The following LRMDA variants were observed in gnomAD, a reference collection of about 807,000 sequenced individuals.
LRMDA encodes the protein leucine-rich melanocyte differentiation-associated protein.
LRMDA carries 18 observed loss-of-function variants against 29.8 expected under a neutral mutation model. The observed-to-expected ratio is 0.60, with a 90% CI of 0.42 to 0.90. LRMDA has a LOEUF of 0.90. Ranked by LOEUF, LRMDA falls within the 40% of genes least tolerant of loss-of-function variation. The probability of loss-of-function intolerance (pLI) is 0.00; values close to 1 mark genes in which losing one functional copy is unlikely to be tolerated. For missense variants in LRMDA, 273 were observed against 273.9 expected (o/e 1.00, Z 0.02); for synonymous variants, 125 against 109.4 (o/e 1.14, Z -0.89).
At chr10:76,401,177 T>C (rs1212328195) in intron 6 of LRMDA, among the ~76,000 whole-genome samples, 1 of 152,168 alleles carries the variant, frequency 6.6e-6, no homozygotes, top group African/African-American at 2.4e-5. Flanking sequence ...TAATGGATGG[T>C]ATGCTCTCAG....
intron 5 of LRMDA, among the ~76,000 whole-genome samples, chr10:76,154,389 A>G (rs894374462): frequency 6.6e-6 from 1 of 152,232 alleles, no homozygotes; most frequent in East Asian, 1.9e-4. Context: ...CAGAATGACA[A>G]TTAGAGCATC....
chr10:76,148,506 A>G (rs373903190), intron 5 of LRMDA, among the ~76,000 whole-genome samples: 1 of 152,124 alleles, frequency 6.6e-6, no homozygotes, highest in African/African-American at 2.4e-5. Flanking sequence ...GTGGGATATA[A>G]TCTCCTGGTG....
intron 6 of LRMDA, among the ~76,000 whole-genome samples, chr10:76,414,731 T>A (rs1243160472): frequency 6.6e-6 from 1 of 152,206 alleles, no homozygotes; most frequent in Non-Finnish European, 1.5e-5. Flanking sequence ...GGTTGAGCCA[T>A]GGCTTAGCTG....
intron 6 of LRMDA, among the ~76,000 whole-genome samples, chr10:76,463,326 G>A (rs1217933860): frequency 1.3e-5 from 2 of 152,176 alleles, no homozygotes; most frequent in African/African-American, 2.4e-5. Context: ...TTGAAATTCA[G>A]GAAAGGGAAG....
intron 5 of LRMDA, among the ~76,000 whole-genome samples, chr10:76,132,232 G>A (rs1014304137): frequency 6.6e-6 from 1 of 152,110 alleles, no homozygotes; most frequent in African/African-American, 2.4e-5. Flanking sequence ...AAATAGAGGT[G>A]GTGATTTTGG....
At chr10:75,859,355 A>G (rs929928497) in intron 2 of LRMDA, among the ~76,000 whole-genome samples, 3 of 152,262 alleles carry the variant, frequency 2.0e-5, no homozygotes, top group East Asian at 1.9e-4. Context: ...GTATTATTTG[A>G]CCAGCTGCCC....
intron 6 of LRMDA, among the ~76,000 whole-genome samples, chr10:76,340,572 AC>A (rs1841028908): frequency 1.3e-5 from 2 of 151,644 alleles, no homozygotes; most frequent in African/African-American, 2.4e-5. Context: ...AAATTTAACA[AC>A]CATTTCTGCT....
chr10:75,914,530 A>G (rs902416145), intron 2 of LRMDA, among the ~76,000 whole-genome samples: 2 of 152,240 alleles, frequency 1.3e-5, no homozygotes, highest in Non-Finnish European at 2.9e-5. Context: ...GTTAAGAAGC[A>G]TAATTCAATA....
intron 5 of LRMDA, among the ~76,000 whole-genome samples, chr10:76,291,417 G>A (rs1840338850): frequency 6.6e-6 from 1 of 152,082 alleles, no homozygotes; most frequent in Non-Finnish European, 1.5e-5. Context: ...CAATTGTGGG[G>A]GATATTTTAT....
intron 2 of LRMDA, among the ~76,000 whole-genome samples, chr10:75,466,143 C>T (rs1253161778): frequency 6.6e-6 from 1 of 152,192 alleles, no homozygotes; most frequent in African/African-American, 2.4e-5. Flanking sequence ...TGGGTGCTTG[C>T]CTGGCTTCCC....
intron 5 of LRMDA, among the ~76,000 whole-genome samples, chr10:76,163,988 T>A (rs541053360): frequency 7.2e-5 from 11 of 152,320 alleles, no homozygotes; most frequent in African/African-American, 2.4e-4. Flanking sequence ...ATTATTCCAA[T>A]GAGTTTTTCT....
At chr10:76,346,300 T>C (rs1039345233) in intron 6 of LRMDA, 4 of 152,194 alleles carry the variant, frequency 2.6e-5, no homozygotes, top group African/African-American at 7.2e-5. Flanking sequence ...CATGCAATAA[T>C]AATAATAAAA....
chr10:76,493,425 G>T (rs894036526), intron 6 of LRMDA, among the ~76,000 whole-genome samples: 1 of 151,994 alleles, frequency 6.6e-6, no homozygotes, highest in Non-Finnish European at 1.5e-5. Flanking sequence ...GCTCAGGGTA[G>T]GTCCAGAAAT....
chr10:76,118,067 C>T (rs541788530), intron 5 of LRMDA, among the ~76,000 whole-genome samples: 1 of 152,332 alleles, frequency 6.6e-6, no homozygotes, highest in East Asian at 1.9e-4. Flanking sequence ...TGACTCCCAG[C>T]TTTGCTTTTA....
At chr10:75,799,094 T>G (rs1209126224) in intron 2 of LRMDA, among the ~76,000 whole-genome samples, 4 of 152,208 alleles carry the variant, frequency 2.6e-5, no homozygotes, top group African/African-American at 9.6e-5. Flanking sequence ...GTACTGGATT[T>G]TGTTTTATTA....
chr10:75,999,819 T>C (rs1847531134), intron 2 of LRMDA, among the ~76,000 whole-genome samples: 1 of 152,234 alleles, frequency 6.6e-6, no homozygotes, highest in Non-Finnish European at 1.5e-5. Flanking sequence ...TGAATAGCAC[T>C]GATATCTTGA....
intron 2 of LRMDA, among the ~76,000 whole-genome samples, chr10:75,600,659 T>G (rs1415478938): frequency 6.6e-6 from 1 of 152,192 alleles, no homozygotes; most frequent in East Asian, 1.9e-4. Flanking sequence ...GTGTGGGGTA[T>G]ACTGCATGAA....
At chr10:76,276,051 A>C (rs865813444) in intron 5 of LRMDA, among the ~76,000 whole-genome samples, 26 of 127,586 alleles carry the variant, frequency 2.0e-4, no homozygotes, top group East Asian at 8.5e-4. Context: ...CTATCTATCT[A>C]TCTCTTTCTT....
chr10:76,069,288 G>A (rs947185474), intron 5 of LRMDA, among the ~76,000 whole-genome samples: 2 of 152,324 alleles, frequency 1.3e-5, no homozygotes, highest in Non-Finnish European at 2.9e-5. Context: ...GAAGGCTGGT[G>A]CTACAATTAG....
Sources: gnomAD v4.1 joint callset for allele counts (sites outside exome capture counted in the v4.1 genomes callset) on GRCh38, gnomAD v4.1.1 for gene constraint, MANE v1.5 for transcripts, NCBI Gene and HGNC (gene_info 2026-07-23, HGNC 2026-07-21) for gene names.